Variants in PPA1 observed in about 807,000 individuals in gnomAD.
PPA1 encodes inorganic pyrophosphatase.
PPA1 carries 23 observed loss-of-function variants against 41.8 expected under a neutral mutation model. The ratio of observed to expected loss-of-function variants is 0.55; its 90% CI spans 0.40 to 0.78. The LOEUF is 0.78. Ranked by LOEUF, PPA1 falls within the 30% of genes least tolerant of loss-of-function variation. The pLI is 0.00. For synonymous variants in PPA1, 101 were observed against 116.8 expected, an observed-to-expected ratio of 0.86 and a Z score of 0.87; for missense variants, 320 against 361.6, an observed-to-expected ratio of 0.89 and a Z score of 0.93.
At chr10:70,225,832 T>C (rs1425071660) in intron 2 of PPA1, among the ~76,000 whole-genome samples, 1 of 152,208 alleles carries the variant, frequency 6.6e-6, no homozygotes, top group Non-Finnish European at 1.5e-5. Flanking sequence ...CAATGGCTCT[T>C]AATTCTAAGT....
chr10:70,229,023 A>G (rs1467655264), intron 2 of PPA1, among the ~76,000 whole-genome samples: 2 of 152,234 alleles, frequency 1.3e-5, no homozygotes, highest in African/African-American at 4.8e-5. Flanking sequence ...TTTGTACTCA[A>G]TGTGAATCAA....
intron 2 of PPA1, among the ~76,000 whole-genome samples, chr10:70,226,641 A>G (rs1203371508): frequency 6.6e-6 from 1 of 152,152 alleles, no homozygotes; most frequent in Admixed American, 6.6e-5. Flanking sequence ...TTGAAAACAG[A>G]TATTCTAAGC....
At chr10:70,231,725 A>T (rs1057038139) in intron 1 of PPA1, among the ~76,000 whole-genome samples, 1 of 152,256 alleles carries the variant, frequency 6.6e-6, no homozygotes, top group South Asian at 2.1e-4. Context: ...TTAAAATTGG[A>T]TAACTATGTA....
At chr10:70,206,481 T>C (rs1839940087) in intron 8 of PPA1, 148 bp from the exon 9 acceptor site, 2 of 632,626 alleles carry the variant, frequency 3.2e-6, no homozygotes, top group East Asian at 2.8e-5. Context: ...ATTCTAATTA[T>C]GTATTTTGGC....
chr10:70,224,996 G>A (rs7901747), intron 2 of PPA1, among the ~76,000 whole-genome samples: 37,435 of 152,180 alleles, frequency 0.25, 5,557 homozygotes, highest in Non-Finnish European at 0.33. Flanking sequence ...CCCCCAAAGT[G>A]TTGGGATTAC....
chr10:70,227,950 G>A (rs1840250353), intron 2 of PPA1, among the ~76,000 whole-genome samples: 1 of 152,106 alleles, frequency 6.6e-6, no homozygotes, highest in African/African-American at 2.4e-5. Flanking sequence ...AAGTTAATCA[G>A]ATTTTTTTTT....
chr10:70,220,993 TTATA>T (rs1295917078), intron 2 of PPA1, among the ~76,000 whole-genome samples: 1 of 60,890 alleles, frequency 1.6e-5, no homozygotes, highest in Admixed American at 3.0e-4. Flanking sequence ...TATATATAAT[TTATA>T]TATATAACAT....
At chr10:70,219,879 C>A (rs10762351) in intron 2 of PPA1, among the ~76,000 whole-genome samples, 120,160 of 152,014 alleles carry the variant, frequency 0.79, 48,104 homozygotes, top group East Asian at 1. Flanking sequence ...TTTTTTTTCA[C>A]GGAATAGAAC....
chr10:70,210,271 C>G, intron 6 of PPA1: 1 of 713,754 alleles, frequency 1.4e-6, no homozygotes, highest in Non-Finnish European at 2.2e-6. Context: ...GAAATGGGGT[C>G]TCGTCATGTT....
chr10:70,230,521 G>A, intron 1 of PPA1, 122 bp from the exon 2 acceptor site: 1 of 1,000,132 alleles, frequency 1.0e-6, no homozygotes, highest in East Asian at 2.8e-5. Flanking sequence ...GTGTGCAATG[G>A]TGTGATCTTG....
intron 4 of PPA1, among the ~76,000 whole-genome samples, chr10:70,217,107 G>A (rs976842045): frequency 6.6e-6 from 1 of 151,108 alleles, no homozygotes; most frequent in Admixed American, 6.6e-5. Flanking sequence ...GCAGTGAGCC[G>A]AGATCACGCC....
chr10:70,220,521 ATATG>A (rs1355421106), intron 2 of PPA1, among the ~76,000 whole-genome samples: 1 of 83,552 alleles, frequency 1.2e-5, no homozygotes, highest in African/African-American at 4.8e-5. Context: ...TATAAATTAT[ATATG>A]TATTATATAT....
At position 70,230,255 on chromosome 10, in the gene PPA1, CTTG is replaced by C. The variant is rs1840275499; in HGVS notation, c.123+83_123+85del. On this transcript the variant is annotated intron_variant, in intron 2 of 10. Coordinates refer to ENST00000373232, the MANE Select transcript of PPA1 (RefSeq NM_021129.4). The stretch of plus-strand genomic sequence containing the variant: ...ACAGCACAACGAGGCATTTTAAGCA[CTTG>C]TTGAGAGACATATAAGAAAATTCAT... 6 of 1,474,904 alleles carry C rather than the reference CTTG, an allele frequency of 4.1e-6. No individual in the cohort carries two copies. In the Admixed American group the frequency reaches 1.1e-4, roughly 27 times the overall value. 91.4% of individuals were successfully genotyped at this position (1,474,904 alleles called of 1,614,324 possible).
Position 70,233,360 on chromosome 10 carries a change from G to C in PPA1, c.-33C>G. The C allele has an allele frequency of 5.2e-6, 8 of 1,531,088 alleles. No individual in the cohort carries two copies. The highest frequency in any genetic ancestry group is 6.1e-6 in the Non-Finnish European group (7 of 1,141,626). The allele number at this position is 1,531,088 out of a possible 1,614,324, so 94.8% of individuals were successfully genotyped here. A position where few individuals can be genotyped will look rare whatever the true frequency, so the allele number is the denominator to read the frequency against. On this transcript the variant is annotated 5_prime_UTR_variant, in exon 1 of 11. Coordinates refer to ENST00000373232, the MANE Select transcript of PPA1 (RefSeq NM_021129.4). ...GAGTCCTGCCGCCGCCGCTGCCACA[G>C]AGCCACCAGCCCGCACGCGGCGCCG...
chr10:70,224,526 A>G (rs1013319476), intron 2 of PPA1, among the ~76,000 whole-genome samples: 8 of 152,210 alleles, frequency 5.3e-5, no homozygotes, highest in African/African-American at 1.9e-4. Flanking sequence ...TCTCATCTCC[A>G]AACTGGTTAG....
Position 70,202,890 on chromosome 10 carries a change from G to C in PPA1, c.*265C>G. 2 of 456,400 alleles carry C rather than the reference G, an allele frequency of 4.4e-6. No homozygotes were observed. Among genetic ancestry groups the C allele is most frequent in the African/African-American group, 2.0e-5 (1 of 49,220 alleles). The allele number at this position is 456,400 out of a possible 1,614,324, so 28.3% of individuals were successfully genotyped here. ...ATGGTAACATATACATCCAATATGT[G>C]CTCCCCTTGCACATCTATTCACAAG... On this transcript the variant is annotated 3_prime_UTR_variant, in exon 11 of 11. Transcript: ENST00000373232.
chr10:70,211,993 G>A (rs1424767940), intron 6 of PPA1, among the ~76,000 whole-genome samples: 4 of 152,274 alleles, frequency 2.6e-5, no homozygotes, highest in Middle Eastern at 3.4e-3. Context: ...TGCTCTCAAG[G>A]TGACTCTTAT....
chr10:70,230,771 C>T (rs918960827), intron 1 of PPA1, among the ~76,000 whole-genome samples: 3 of 152,156 alleles, frequency 2.0e-5, no homozygotes, highest in South Asian at 4.1e-4. Flanking sequence ...ACCCTGCACC[C>T]GACCAGTACA....
chr10:70,205,459 T>C (rs528679323), intron 9 of PPA1: 21 of 152,244 alleles, frequency 1.4e-4, no homozygotes, highest in African/African-American at 4.1e-4. Context: ...TAAAAACTGA[T>C]TTATGCATAT....
Sources: gnomAD v4.1 joint callset for allele counts (sites outside exome capture counted in the v4.1 genomes callset) on GRCh38, gnomAD v4.1.1 for gene constraint, MANE v1.5 for transcripts, NCBI Gene and HGNC (gene_info 2026-07-23, HGNC 2026-07-21) for gene names.